The following ZNF728 variants were observed in gnomAD, a reference collection of about 807,000 sequenced individuals.
The protein encoded by ZNF728 is zinc finger protein 728.
In ZNF728, 12 loss-of-function variants were observed where a neutral mutation model predicts 12.5. That is an observed-to-expected ratio of 0.96 (90% CI 0.61 to 1.55). The LOEUF is 1.55. Among genes scored for constraint, ZNF728 ranks in the 40% most tolerant of loss-of-function variants. The probability of loss-of-function intolerance (pLI) is 0.00; values close to 1 mark genes in which losing one functional copy is unlikely to be tolerated. For missense variants in ZNF728, 692 were observed against 719.2 expected (o/e 0.96, Z 0.43); for synonymous variants, 205 against 240.7 (o/e 0.85, Z 1.37).
intron 1 of ZNF728, among the ~76,000 whole-genome samples, chr19:22,997,729 A>T (rs289289): frequency 0.4 from 57,622 of 142,918 alleles, 12,691 homozygotes; most frequent in African/African-American, 0.66. Flanking sequence ...AAATCTATTT[A>T]AAAAAAAAAA....
At chr19:22,991,721 G>A (rs1435490034) in intron 1 of ZNF728, among the ~76,000 whole-genome samples, 1 of 152,158 alleles carries the variant, frequency 6.6e-6, no homozygotes, top group Non-Finnish European at 1.5e-5. Flanking sequence ...CCTGTAATCA[G>A]TTCTGTGAGG....
At chr19:22,996,928 A>C (rs1969056641) in intron 1 of ZNF728, among the ~76,000 whole-genome samples, 1 of 152,188 alleles carries the variant, frequency 6.6e-6, no homozygotes, top group African/African-American at 2.4e-5. Flanking sequence ...CAGTGTGTGC[A>C]CTTGAAAGGA....
chr19:22,990,802 G>A (rs1968979309), intron 1 of ZNF728, among the ~76,000 whole-genome samples: 1 of 151,912 alleles, frequency 6.6e-6, no homozygotes, highest in South Asian at 2.1e-4. Flanking sequence ...AAAGAGTTCT[G>A]CAAAATGGCC....
rs776810864 is a variant in ZNF728 at position 22,975,717 on chromosome 19, T to C, written c.1620A>G (p.Glu540=). Residue 540 remains glutamate, a synonymous_variant, in exon 4 of 4, where the codon GAA becomes GAG. Transcript: ENST00000594710. ...HTGEKQYKCE[E]CGKAFIWSSR... is the part of the protein sequence containing the mutation. ...AGGACCAGATGAAGGCTTTGCCACA[T>C]TCTTCACATTTGTATTGTTTCTCTC... 6.2e-7 allele frequency: 1 copy of C among 1,611,932 alleles called. No individual in the cohort carries two copies. Among genetic ancestry groups the C allele is most frequent in the South Asian group, 1.1e-5 (1 of 91,058 alleles).
intron 3 of ZNF728, among the ~76,000 whole-genome samples, chr19:22,979,683 C>T (rs1451656685): frequency 6.6e-6 from 1 of 152,120 alleles, no homozygotes; most frequent in African/African-American, 2.4e-5. Context: ...ACCCTACAAG[C>T]CAGAAGAGAC....
chr19:22,996,957 C>A (rs1347446570), intron 1 of ZNF728, among the ~76,000 whole-genome samples: 2 of 152,038 alleles, frequency 1.3e-5, no homozygotes, highest in African/African-American at 4.8e-5. Flanking sequence ...GGGGGAAAAG[C>A]AGAAGAGAGA....
Position 22,990,703 on chromosome 19 carries a change from A to T in ZNF728, c.4-2252T>A, listed in dbSNP as rs1230916970. On this transcript the variant is annotated intron_variant, in intron 1 of 3. Coordinates refer to ENST00000594710, the MANE Select transcript of ZNF728 (RefSeq NM_001267716.2). ...ATTCCTCATACTTGATTCTGGCCTC[A>T]CCTTAGAGTCACATGAGCCACTTAA... Among the ~76,000 whole-genome samples, 4 of 152,058 alleles carry T rather than the reference A, an allele frequency of 2.6e-5. No individual in the cohort carries two copies. In the East Asian group the frequency reaches 7.7e-4, roughly 29 times the overall value.
Position 22,990,505 on chromosome 19 carries a change from TTTTC to T in ZNF728, c.4-2058_4-2055del, listed in dbSNP as rs202094188. On this transcript the variant is annotated intron_variant, in intron 1 of 3. Coordinates refer to ENST00000594710, the MANE Select transcript of ZNF728 (RefSeq NM_001267716.2). Reference sequence around the variant, plus strand: ...AGTAGCTCCAGAGATAAAAATATGCTTTTCTTTATTTTGTCCTCGGGAGCCATCC... The same window carrying T: ...AGTAGCTCCAGAGATAAAAATATGCTTTTATTTTGTCCTCGGGAGCCATCC... Among the ~76,000 whole-genome samples, 908 of 152,254 alleles carry T rather than the reference TTTTC, an allele frequency of 6.0e-3. 9 individuals carry two copies. Among genetic ancestry groups the T allele is most frequent in the African/African-American group, 0.021 (857 of 41,542 alleles).
Position 22,987,321 on chromosome 19 carries a change from C to T in ZNF728, c.213G>A (p.Val71=), listed in dbSNP as rs761709020. The T allele has an allele frequency of 2.5e-6, 4 of 1,611,084 alleles. No homozygotes were observed. The highest frequency in any genetic ancestry group is 3.4e-6 in the Non-Finnish European group (4 of 1,178,484). ...ATTCTCACCTACCTGGCGGTTCTTT[C>T]ACCAGCTCATGTCTCTTCATATTCC... The part of the protein sequence containing the change: ...EPWNMKRHEL[V]KEPPVICSHF... Residue 71 remains valine, a synonymous_variant, in exon 3 of 4, where the codon GTG becomes GTA. Transcript: ENST00000594710.
intron 3 of ZNF728, among the ~76,000 whole-genome samples, chr19:22,985,194 G>A (rs1968903044): frequency 1.3e-5 from 2 of 152,106 alleles, no homozygotes; most frequent in Admixed American, 6.5e-5. Flanking sequence ...AAATGAGTCA[G>A]CTGCAAAAAG....
intron 1 of ZNF728, chr19:22,995,938 G>GC (rs1216591725): frequency 1.3e-5 from 2 of 152,156 alleles, no homozygotes; most frequent in Non-Finnish European, 2.9e-5. Flanking sequence ...TTTTTGGGTA[G>GC]CCATATCATC....
intron 3 of ZNF728, among the ~76,000 whole-genome samples, chr19:22,980,695 A>T (rs1968852711): frequency 6.6e-6 from 1 of 152,238 alleles, no homozygotes. Flanking sequence ...CCACAGTGCA[A>T]TCAAATTAGA....
chr19:22,977,287 A>T lies in ZNF728; in HGVS notation c.227-177T>A, dbSNP rs200899736. Reference sequence around the variant, plus strand: ...AGCATACAGACCAAAATACATATGTAGATAATTTATACATGAGTTAAGTGT... The same window carrying T: ...AGCATACAGACCAAAATACATATGTTGATAATTTATACATGAGTTAAGTGT... On this transcript the variant is annotated intron_variant, in intron 3 of 3. Coordinates refer to ENST00000594710, the MANE Select transcript of ZNF728 (RefSeq NM_001267716.2). Among the ~76,000 whole-genome samples the T allele has an allele frequency of 5.3e-5, 8 of 152,212 alleles. No individual in the cohort carries two copies. The East Asian group carries it at 1.5e-3, about 29-fold the overall frequency.
chr19:22,987,402 A>G lies in ZNF728; in HGVS notation c.132T>C (p.Gly44=). The change falls in exon 3 of 4, where the codon GGT becomes GGC. Residue 44 remains glycine, a splice_region_variant and synonymous_variant. Transcript: ENST00000594710. ...LENYRNLVFL[G]IAAPKPDLII... Reference sequence around the variant, plus strand: ...TCAGGTCTGGCTTAGGGGCAGCAATACCTGTTTTATTAAAAATGAGTAACA... The same window carrying G: ...TCAGGTCTGGCTTAGGGGCAGCAATGCCTGTTTTATTAAAAATGAGTAACA... The G allele has an allele frequency of 1.9e-6, 3 of 1,596,448 alleles. No individual in the cohort carries two copies. Among genetic ancestry groups the G allele is most frequent in the Non-Finnish European group, 2.6e-6 (3 of 1,173,358 alleles).
intron 1 of ZNF728, among the ~76,000 whole-genome samples, chr19:23,001,731 G>C (rs1228638602): frequency 6.6e-6 from 1 of 152,130 alleles, no homozygotes; most frequent in African/African-American, 2.4e-5. Context: ...CAAATGCTTT[G>C]TCAAAAAATG....
Position 22,975,795 on chromosome 19 carries a change from G to A in ZNF728, c.1542C>T (p.Gly514=). ...GGTTTGCAACCTTACTGAAGGCTTT[G>A]CCACATTCTTCACATTTGTAGGGTT... The part of the protein sequence containing the change: ...GEKPYKCEEC[G]KAFSKVANLT... Residue 514 remains glycine (G), a synonymous_variant, in exon 4 of 4, where the codon GGC becomes GGT. Transcript: ENST00000594710. The A allele has an allele frequency of 1.2e-6, 2 of 1,612,370 alleles. No homozygotes were observed. Among genetic ancestry groups the A allele is most frequent in the Non-Finnish European group, 1.7e-6 (2 of 1,179,868 alleles).
intron 3 of ZNF728, among the ~76,000 whole-genome samples, chr19:22,984,491 A>G (rs167035): frequency 0.42 from 62,624 of 147,998 alleles, 16,225 homozygotes; most frequent in African/African-American, 0.75. Context: ...CCCGGGAGGC[A>G]GAGGTTGCAG....
chr19:22,986,586 A>C (rs188796176), intron 3 of ZNF728, among the ~76,000 whole-genome samples: 108 of 152,334 alleles, frequency 7.1e-4, no homozygotes, highest in African/African-American at 2.6e-3. Context: ...TTATCAATGA[A>C]AAATGAGAGA....
intron 1 of ZNF728, among the ~76,000 whole-genome samples, chr19:22,988,665 T>G (rs891303801): frequency 1.3e-5 from 2 of 152,214 alleles, no homozygotes; most frequent in Admixed American, 6.5e-5. Context: ...ATAACATCAG[T>G]GTATGTATAG....
Sources: gnomAD v4.1 joint callset for allele counts (sites outside exome capture counted in the v4.1 genomes callset) on GRCh38, gnomAD v4.1.1 for gene constraint, MANE v1.5 for transcripts, NCBI Gene and HGNC (gene_info 2026-07-23, HGNC 2026-07-21) for gene names.